XKR3: variants seen among roughly 807,000 people sequenced by gnomAD.
The protein encoded by XKR3 is XK related 3, also known as XK-related protein 3.
In XKR3, 27 loss-of-function variants were observed where a neutral mutation model predicts 40.3. The ratio of observed to expected loss-of-function variants is 0.67; its 90% CI spans 0.49 to 0.92. The LOEUF is 0.92. XKR3 is among the 40% of genes least tolerant of loss of function. The pLI is 0.00. For missense variants in XKR3, 472 were observed against 537.6 expected (o/e 0.88, Z 1.21); for synonymous variants, 193 against 195.4 (o/e 0.99, Z 0.10).
In XKR3 at chr22:16,810,399, T is replaced by G. The variant is rs1166363401; in HGVS notation, c.-10-2316A>C. Among the ~76,000 whole-genome samples, 4 of 152,298 alleles carry G rather than the reference T, an allele frequency of 2.6e-5. No individual in the cohort carries two copies. The East Asian group carries it at 5.8e-4, about 22-fold the overall frequency. Reference sequence around the variant, plus strand: ...TTTCTTTTCATTGCATCATTTCTATTAATCATCAAATTCTGCATGTTTTAC... The same window carrying G: ...TTTCTTTTCATTGCATCATTTCTATGAATCATCAAATTCTGCATGTTTTAC... On this transcript the variant is annotated intron_variant, in intron 1 of 3. Transcript: ENST00000684488.
intron 3 of XKR3, among the ~76,000 whole-genome samples, chr22:16,793,304 C>T (rs377139528): frequency 1.3e-5 from 2 of 152,308 alleles, no homozygotes; most frequent in African/African-American, 2.4e-5. Context: ...GAGCCACTGC[C>T]CCTGGCCCTC....
chr22:16,805,455 C>T (rs2060185969), intron 2 of XKR3, among the ~76,000 whole-genome samples: 1 of 152,074 alleles, frequency 6.6e-6, no homozygotes, highest in Admixed American at 6.6e-5. Flanking sequence ...CATCACAGGA[C>T]CGTGAGTTGA....
At chr22:16,817,386 T>G (rs745979470) in intron 1 of XKR3, among the ~76,000 whole-genome samples, 14 of 152,052 alleles carry the variant, frequency 9.2e-5, no homozygotes, top group Non-Finnish European at 1.9e-4. Context: ...TAGTTATATC[T>G]TGTACGTAAT....
intron 2 of XKR3, among the ~76,000 whole-genome samples, chr22:16,802,009 C>A (rs2060171382): frequency 6.6e-6 from 1 of 152,144 alleles, no homozygotes; most frequent in South Asian, 2.1e-4. Context: ...TAACACCATT[C>A]TTTAAACAAA....
At chr22:16,824,851 T>G (rs1569046379) in intron 1 of XKR3, among the ~76,000 whole-genome samples, 1 of 152,194 alleles carries the variant, frequency 6.6e-6, no homozygotes, top group Non-Finnish European at 1.5e-5. Flanking sequence ...GAAATGGGTC[T>G]TCCAGAGTCT....
intron 3 of XKR3, among the ~76,000 whole-genome samples, chr22:16,798,999 C>T (rs2146155912): frequency 1.3e-5 from 2 of 152,278 alleles, no homozygotes. Flanking sequence ...TACATATACT[C>T]CCTGTATCTA....
intron 3 of XKR3, among the ~76,000 whole-genome samples, chr22:16,793,928 A>G (rs1304491428): frequency 6.6e-6 from 1 of 152,214 alleles, no homozygotes; most frequent in Non-Finnish European, 1.5e-5. Flanking sequence ...AGGGGAATAG[A>G]CCAAGCTGAG....
intron 3 of XKR3, among the ~76,000 whole-genome samples, chr22:16,790,345 A>G (rs5992547): frequency 1.4e-5 from 1 of 70,288 alleles, no homozygotes; most frequent in African/African-American, 4.9e-5. Context: ...CCACGCAGAA[A>G]AAAAAAAAAA....
chr22:16,813,404 G>T (rs2060221175), intron 1 of XKR3, among the ~76,000 whole-genome samples: 1 of 152,120 alleles, frequency 6.6e-6, no homozygotes. Flanking sequence ...AAAGGCTGGG[G>T]GTTCCTAAAC....
chr22:16,816,471 TA>T (rs2060234103), intron 1 of XKR3, among the ~76,000 whole-genome samples: 1 of 151,884 alleles, frequency 6.6e-6, no homozygotes, highest in African/African-American at 2.4e-5. Flanking sequence ...AGTTAGTTGA[TA>T]TTTTTTTCCT....
chr22:16,809,310 C>G (rs1259138690), intron 1 of XKR3, among the ~76,000 whole-genome samples: 1 of 152,084 alleles, frequency 6.6e-6, no homozygotes, highest in Non-Finnish European at 1.5e-5. Flanking sequence ...GGACCCAATC[C>G]ATCAATATGA....
At chr22:16,790,011 T>C (rs1330636118) in intron 3 of XKR3, among the ~76,000 whole-genome samples, 1 of 152,138 alleles carries the variant, frequency 6.6e-6, no homozygotes, top group Non-Finnish European at 1.5e-5. Flanking sequence ...CAGTGGCGTG[T>C]ACCTATAGTT....
intron 3 of XKR3, among the ~76,000 whole-genome samples, chr22:16,785,535 A>G (rs1346840493): frequency 6.6e-6 from 1 of 152,170 alleles, no homozygotes. Flanking sequence ...TGAAAGAGAA[A>G]AAATTCATTT....
At chr22:16,804,873 T>C (rs1017018053) in intron 2 of XKR3, among the ~76,000 whole-genome samples, 4 of 152,192 alleles carry the variant, frequency 2.6e-5, no homozygotes, top group African/African-American at 4.8e-5. Flanking sequence ...CCTGACCACA[T>C]TGGGCACATG....
At chr22:16,817,452 A>G (rs1315960547) in intron 1 of XKR3, among the ~76,000 whole-genome samples, 1 of 152,064 alleles carries the variant, frequency 6.6e-6, no homozygotes, top group Non-Finnish European at 1.5e-5. Flanking sequence ...TGAGATATGA[A>G]CTTTCCCCTC....
At chr22:16,791,194 T>C (rs1475092351) in intron 3 of XKR3, among the ~76,000 whole-genome samples, 2 of 151,956 alleles carry the variant, frequency 1.3e-5, no homozygotes, top group Non-Finnish European at 2.9e-5. Context: ...GTGGTACATA[T>C]ACACAATGGA....
intron 3 of XKR3, among the ~76,000 whole-genome samples, chr22:16,798,318 C>A (rs2060151579): frequency 6.6e-6 from 1 of 152,054 alleles, no homozygotes; most frequent in Non-Finnish European, 1.5e-5. Flanking sequence ...CAGAAACCAA[C>A]ACATGTTGGG....
At chr22:16,810,664 A>T (rs1420599686) in intron 1 of XKR3, among the ~76,000 whole-genome samples, 22 of 152,184 alleles carry the variant, frequency 1.4e-4, no homozygotes. Flanking sequence ...AACACTATTT[A>T]TATATAGAAT....
chr22:16,818,067 T>C lies in XKR3; in HGVS notation c.-11+7224A>G, dbSNP rs1813240482. On this transcript the variant is annotated intron_variant, in intron 1 of 3. Transcript: ENST00000684488. Reference sequence around the variant, plus strand: ...GCTATAAATCATTGGCTTTTTCACATATATTATAAAACTTCTTCGAGATTA... The same window carrying C: ...GCTATAAATCATTGGCTTTTTCACACATATTATAAAACTTCTTCGAGATTA... Among the ~76,000 whole-genome samples the C allele has an allele frequency of 2.0e-5, 3 of 152,208 alleles. 1 individual carries two copies. Among genetic ancestry groups the C allele is most frequent in the African/African-American group, 7.2e-5 (3 of 41,458 alleles).
Sources: allele counts gnomAD v4.1 joint callset (sites outside exome capture counted in the v4.1 genomes callset), GRCh38; gene constraint gnomAD v4.1.1; transcripts MANE v1.5; gene names NCBI Gene and HGNC (gene_info 2026-07-23, HGNC 2026-07-21).